The following TENM3 variants were observed in gnomAD, a reference collection of about 807,000 sequenced individuals.
TENM3 encodes teneurin-3.
Under a neutral mutation model 255.1 loss-of-function variants are expected in TENM3, and 63 were observed. The observed-to-expected ratio is 0.25, with a 90% CI of 0.20 to 0.30. The LOEUF is 0.30. Among genes scored for constraint, TENM3 ranks in the 10% least tolerant of loss-of-function variants. TENM3 has a pLI of 1.00. For synonymous variants in TENM3, 1,306 were observed against 1,322.3 expected, an observed-to-expected ratio of 0.99 and a Z score of 0.27; for missense variants, 2,929 against 3,461.1, an observed-to-expected ratio of 0.85 and a Z score of 3.86.
the TENM3 span, among the ~76,000 whole-genome samples, chr4:181,992,765 GACA>G: frequency 1.3e-5 from 2 of 152,038 alleles, no homozygotes; most frequent in East Asian, 1.9e-4. Flanking sequence ...CAAAAAAATT[GACA>G]ACATCACTTT....
intron 1 of TENM3, among the ~76,000 whole-genome samples, chr4:182,258,818 C>G (rs950001169): frequency 1.3e-5 from 2 of 152,160 alleles, no homozygotes; most frequent in African/African-American, 4.8e-5. Flanking sequence ...TCACTCCTCT[C>G]CTCTTCTCAT....
At chr4:181,754,804 T>C in the TENM3 span, among the ~76,000 whole-genome samples, 1 of 152,164 alleles carries the variant, frequency 6.6e-6, no homozygotes, top group Admixed American at 6.5e-5. Flanking sequence ...CTCATAGCAA[T>C]CCATGTCTGA....
In TENM3 at chr4:182,601,000, T is replaced by C; in HGVS notation, c.588T>C (p.His196=). ...CCCATAAGCAGCACTCTGCACAGCA[T>C]CATCCATCCATCACTTCTCTCAACA... ...PPSHKQHSAQ[H]HPSITSLNRN... Residue 196 remains histidine, a synonymous_variant, in exon 4 of 28, where the codon CAT becomes CAC. Coordinates refer to ENST00000511685, the MANE Select transcript of TENM3 (RefSeq NM_001080477.4). 2 of 1,536,540 alleles carry C rather than the reference T, an allele frequency of 1.3e-6. No individual in the cohort carries two copies. Among genetic ancestry groups the C allele is most frequent in the Non-Finnish European group, 1.8e-6 (2 of 1,133,868 alleles).
chr4:181,754,008 TGTATGAGATTGACAA>T, the TENM3 span, among the ~76,000 whole-genome samples: 1 of 152,154 alleles, frequency 6.6e-6, no homozygotes, highest in Admixed American at 6.6e-5. Context: ...AAGAAGCAAC[TGTATGAGATTGACAA>T]GTATGTTTTT....
the TENM3 span, among the ~76,000 whole-genome samples, chr4:182,047,752 C>T: frequency 3.3e-5 from 5 of 152,178 alleles, no homozygotes; most frequent in East Asian, 1.9e-4. Context: ...CGTATAAGTG[C>T]ATCGTACCCC....
chr4:182,151,924 C>T (rs753654769), intron 1 of TENM3, among the ~76,000 whole-genome samples: 3 of 152,032 alleles, frequency 2.0e-5, no homozygotes, highest in South Asian at 4.1e-4. Flanking sequence ...GCAGTATACA[C>T]AGCCATATTT....
chr4:181,574,257 C>T, the TENM3 span, among the ~76,000 whole-genome samples: 3 of 152,158 alleles, frequency 2.0e-5, no homozygotes, highest in Non-Finnish European at 2.9e-5. Context: ...TCCGGCCGGG[C>T]GCGGTGGCTC....
chr4:182,171,822 A>C (rs772527858), intron 1 of TENM3, among the ~76,000 whole-genome samples: 3 of 152,218 alleles, frequency 2.0e-5, no homozygotes, highest in Non-Finnish European at 4.4e-5. Context: ...AAATAGTTTA[A>C]AATGAATTTT....
At chr4:182,099,084 C>T in the TENM3 span, among the ~76,000 whole-genome samples, 1 of 150,958 alleles carries the variant, frequency 6.6e-6, no homozygotes, top group African/African-American at 2.4e-5. Flanking sequence ...GCCTCAACCT[C>T]CCGAGTAGCT....
intron 15 of TENM3, 24 bp downstream of exon 15, chr4:182,730,343 C>T (rs1267901719): frequency 1.4e-5 from 23 of 1,611,630 alleles, no homozygotes; most frequent in Non-Finnish European, 2.0e-5. Context: ...ATCACACTAT[C>T]TCTGAAGGAT....
At chr4:182,158,114 TA>T (rs1220310347) in intron 1 of TENM3, among the ~76,000 whole-genome samples, 2 of 152,140 alleles carry the variant, frequency 1.3e-5, no homozygotes, top group African/African-American at 4.8e-5. Context: ...GACTGTGAAC[TA>T]AAGGGCACAC....
At position 182,792,477 on chromosome 4, in the gene TENM3, A is replaced by G. The variant is rs6857162; in HGVS notation, c.5805A>G (p.Leu1935=). Reference sequence around the variant, plus strand: ...ACTACAACGAGGAAGGGCTGCTTCTACAAACAGCTTTCTTGGGTACAAGTC... The same window carrying G: ...ACTACAACGAGGAAGGGCTGCTTCTGCAAACAGCTTTCTTGGGTACAAGTC... The part of the protein sequence containing the change: ...ITDYNEEGLL[L]QTAFLGTSRR... The change falls in exon 26 of 28, where the codon CTA becomes CTG. Residue 1935 remains leucine, a synonymous_variant. Transcript: ENST00000511685. The surrounding 1 kb of genome is among the most constrained non-coding windows in gnomAD (Gnocchi z 6.3). 0.12 allele frequency: 190,948 copies of G among 1,613,998 alleles called. 11,657 individuals are homozygous for G. Among genetic ancestry groups the G allele is most frequent in the Admixed American group, 0.18 (10,607 of 60,030 alleles).
At chr4:182,268,091 C>T (rs1350744722) in intron 1 of TENM3, among the ~76,000 whole-genome samples, 2 of 152,126 alleles carry the variant, frequency 1.3e-5, no homozygotes, top group African/African-American at 4.8e-5. Context: ...CCAATAGTTG[C>T]CCAGTTCATA....
chr4:181,549,299 C>T, the TENM3 span, among the ~76,000 whole-genome samples: 1 of 152,310 alleles, frequency 6.6e-6, no homozygotes, highest in South Asian at 2.1e-4. Flanking sequence ...TGCTGGCAAT[C>T]GCCAGGAGGA....
At chr4:182,081,583 CAAAAAA>C in the TENM3 span, among the ~76,000 whole-genome samples, 2 of 87,534 alleles carry the variant, frequency 2.3e-5, no homozygotes, top group South Asian at 4.5e-4. Flanking sequence ...GGCTCTGCCT[CAAAAAA>C]AAAAAAAAAA....
the TENM3 span, among the ~76,000 whole-genome samples, chr4:181,645,158 G>T: frequency 6.6e-6 from 1 of 152,190 alleles, no homozygotes; most frequent in African/African-American, 2.4e-5. Flanking sequence ...GGCGAAAAAT[G>T]AAATCGATTC....
the TENM3 span, among the ~76,000 whole-genome samples, chr4:181,633,976 C>G: frequency 6.6e-6 from 1 of 152,144 alleles, no homozygotes. Context: ...CCTCTTTCAC[C>G]TTCTTCCATA....
chr4:182,665,773 G>A (rs1158098519), intron 6 of TENM3, among the ~76,000 whole-genome samples: 2 of 152,130 alleles, frequency 1.3e-5, no homozygotes, highest in African/African-American at 2.4e-5. Flanking sequence ...GCGGGCACCT[G>A]TAGTCCCAGC....
intron 3 of TENM3, among the ~76,000 whole-genome samples, chr4:182,385,544 C>T (rs1767862012): frequency 6.6e-6 from 1 of 152,228 alleles, no homozygotes; most frequent in South Asian, 2.1e-4. Context: ...GGATTATAGG[C>T]GTGAGCCACC....
Sources: gnomAD v4.1 joint callset for allele counts (sites outside exome capture counted in the v4.1 genomes callset) on GRCh38, gnomAD v4.1.1 for gene constraint, Gnocchi (gnomAD v3.1) non-coding constraint, MANE v1.5 for transcripts, NCBI Gene and HGNC (gene_info 2026-07-23, HGNC 2026-07-21) for gene names.